LCORL: variants seen among roughly 807,000 people sequenced by gnomAD.
The protein encoded by LCORL is ligand-dependent nuclear receptor corepressor-like protein.
Under a neutral mutation model 141.8 loss-of-function variants are expected in LCORL, and 41 were observed. The ratio of observed to expected loss-of-function variants is 0.29; its 90% CI spans 0.23 to 0.38. The LOEUF (loss-of-function observed/expected upper bound fraction) is 0.38, where lower values mean the gene tolerates loss of function less well. Among genes scored for constraint, LCORL ranks in the 10% least tolerant of loss-of-function variants. The pLI, the probability that LCORL is intolerant of heterozygous loss-of-function variation, is 1.00. For missense variants in LCORL, 1,759 were observed against 2,035.0 expected, an observed-to-expected ratio of 0.86 and a Z score of 2.61; for synonymous variants, 618 against 694.1, an observed-to-expected ratio of 0.89 and a Z score of 1.72.
intron 5 of LCORL, among the ~76,000 whole-genome samples, chr4:17,899,632 A>C (rs1044186841): frequency 5.3e-5 from 8 of 152,186 alleles, no homozygotes; most frequent in Admixed American, 5.2e-4. Context: ...CTTTATTACA[A>C]CTGGGCATAA....
chr4:17,935,678 C>T (rs1736734122), intron 4 of LCORL, among the ~76,000 whole-genome samples: 1 of 152,144 alleles, frequency 6.6e-6, no homozygotes, highest in Non-Finnish European at 1.5e-5. Context: ...ACTATAAGCT[C>T]CCGGAGGCCC....
chr4:17,930,876 T>C (rs542288105), intron 4 of LCORL, among the ~76,000 whole-genome samples: 1 of 152,370 alleles, frequency 6.6e-6, no homozygotes, highest in East Asian at 1.9e-4. Context: ...TGTCTTTTTC[T>C]ATGTTCTGGA....
At chr4:17,963,630 AT>A (rs1714291108) in intron 2 of LCORL, among the ~76,000 whole-genome samples, 1 of 143,430 alleles carries the variant, frequency 7.0e-6, no homozygotes, top group African/African-American at 2.8e-5. Flanking sequence ...ATTATTTAAT[AT>A]AAAACATAGA....
chr4:17,881,932 C>A (rs1439227754), intron 6 of LCORL: 7 of 982,762 alleles, frequency 7.1e-6, no homozygotes, highest in Non-Finnish European at 8.4e-6. Context: ...AGAAAGATGA[C>A]CCTGACATCT....
intron 4 of LCORL, among the ~76,000 whole-genome samples, chr4:17,951,638 A>G (rs1477477216): frequency 6.6e-6 from 1 of 152,194 alleles, no homozygotes; most frequent in Non-Finnish European, 1.5e-5. Flanking sequence ...ATATTCATAT[A>G]CAACCAGCCT....
chr4:17,876,894 T>C, exon 7 of LCORL: 1 of 1,230,860 alleles, frequency 8.1e-7, no homozygotes, highest in East Asian at 3.2e-5. Context: ...TTGCAGTGAC[T>C]GTAATGCATA....
chr4:17,860,752 T>C (rs1031060714), intron 7 of LCORL, among the ~76,000 whole-genome samples: 2 of 152,186 alleles, frequency 1.3e-5, no homozygotes, highest in African/African-American at 4.8e-5. Flanking sequence ...ACTTCCTAGA[T>C]ACAATGAGGG....
chr4:17,844,253 T>TTGAC (rs1173779565), exon 8 of LCORL: 12 of 152,462 alleles, frequency 7.9e-5, no homozygotes, highest in African/African-American at 2.9e-4. Flanking sequence ...TCTTTTGAAA[T>TTGAC]TGACACTTGG....
At chr4:17,928,724 A>G (rs1458524629) in intron 4 of LCORL, among the ~76,000 whole-genome samples, 1 of 152,214 alleles carries the variant, frequency 6.6e-6, no homozygotes, top group Non-Finnish European at 1.5e-5. Context: ...ACTGTACTGG[A>G]GTGTTCCAGC....
At chr4:17,961,116 C>T (rs1159510573) in intron 4 of LCORL, among the ~76,000 whole-genome samples, 1 of 151,970 alleles carries the variant, frequency 6.6e-6, no homozygotes, top group African/African-American at 2.4e-5. Context: ...TAGATGATGA[C>T]AATATGGTAA....
intron 1 of LCORL, among the ~76,000 whole-genome samples, chr4:18,012,529 C>G (rs553801649): frequency 3.9e-5 from 6 of 152,230 alleles, no homozygotes; most frequent in African/African-American, 1.4e-4. Flanking sequence ...AATTATACCC[C>G]CAAGCAATGG....
chr4:18,007,532 A>G (rs1723013457), intron 1 of LCORL, among the ~76,000 whole-genome samples: 1 of 152,182 alleles, frequency 6.6e-6, no homozygotes, highest in South Asian at 2.1e-4. Context: ...GTAGTCAGAG[A>G]GCCTTGTTTT....
intron 5 of LCORL, among the ~76,000 whole-genome samples, chr4:17,897,942 A>G (rs929853755): frequency 6.6e-6 from 1 of 152,200 alleles, no homozygotes; most frequent in African/African-American, 2.4e-5. Context: ...CGTTGCTTAT[A>G]GGCTATTTCA....
At chr4:17,984,031 G>GT (rs761628076) in intron 1 of LCORL, among the ~76,000 whole-genome samples, 13 of 152,088 alleles carry the variant, frequency 8.5e-5, no homozygotes, top group African/African-American at 2.7e-4. Flanking sequence ...TAATCATGTG[G>GT]TTTTTTGTCC....
At chr4:17,875,878 G>C in exon 7 of LCORL, 1 of 1,231,096 alleles carries the variant, frequency 8.1e-7, no homozygotes, top group Non-Finnish European at 1.0e-6. Flanking sequence ...TCTTTTGCAT[G>C]ACTGAATTTG....
intron 4 of LCORL, 143 bp from the exon 5 acceptor site, chr4:17,909,488 A>G (rs1213890211): frequency 3.8e-6 from 2 of 522,530 alleles, no homozygotes; most frequent in South Asian, 4.0e-5. Context: ...GGGAATTAGC[A>G]ATAAAAGCTT....
At chr4:18,018,983 T>G (rs1173100976) in intron 1 of LCORL, among the ~76,000 whole-genome samples, 1 of 152,178 alleles carries the variant, frequency 6.6e-6, no homozygotes, top group Non-Finnish European at 1.5e-5. Flanking sequence ...TAAGGCACAT[T>G]AATAGCAAAA....
chr4:17,956,802 A>G (rs1283395836), intron 4 of LCORL, among the ~76,000 whole-genome samples: 1 of 152,116 alleles, frequency 6.6e-6, no homozygotes. Flanking sequence ...AAATGTTCTC[A>G]ACACAAAAAT....
chr4:18,002,929 C>T (rs1039423631), intron 1 of LCORL, among the ~76,000 whole-genome samples: 1 of 152,188 alleles, frequency 6.6e-6, no homozygotes, highest in African/African-American at 2.4e-5. Flanking sequence ...TGGAAAGTGG[C>T]ATCTCTATCA....
Sources: gnomAD v4.1 joint callset for allele counts (sites outside exome capture counted in the v4.1 genomes callset) on GRCh38, gnomAD v4.1.1 for gene constraint, MANE v1.5 for transcripts, NCBI Gene and HGNC (gene_info 2026-07-23, HGNC 2026-07-21) for gene names.